SORCS2: variants seen among roughly 807,000 people sequenced by gnomAD.
SORCS2 encodes the protein sortilin related VPS10 domain containing receptor 2, also known as VPS10 domain-containing receptor SorCS2.
Under a neutral mutation model 141.6 loss-of-function variants are expected in SORCS2, and 100 were observed. That is an observed-to-expected ratio of 0.71 (90% confidence interval 0.60 to 0.83). The LOEUF (loss-of-function observed/expected upper bound fraction) is 0.83. SORCS2 is among the 40% of genes least tolerant of loss of function. SORCS2 has a pLI of 0.00. For missense variants in SORCS2, 1,646 were observed against 1,560.2 expected (o/e 1.05, Z -0.93); for synonymous variants, 789 against 676.9 (o/e 1.17, Z -2.57).
chr4:7,306,935 T>A (rs911875881), intron 1 of SORCS2, among the ~76,000 whole-genome samples: 1 of 152,150 alleles, frequency 6.6e-6, no homozygotes, highest in African/African-American at 2.4e-5. Context: ...GCACCTAGAA[T>A]TAGTTATTTG....
chr4:7,700,305 C>T (rs1244055852), intron 12 of SORCS2, among the ~76,000 whole-genome samples: 4 of 152,228 alleles, frequency 2.6e-5, no homozygotes, highest in Non-Finnish European at 2.9e-5. Flanking sequence ...TGAAACTGGG[C>T]TCGAGGGTAA....
In SORCS2 at chr4:7,664,888, G is replaced by T. The variant is rs1323050077; in HGVS notation, c.1071+417G>T. Among the ~76,000 whole-genome samples the T allele has an allele frequency of 6.6e-6, 1 of 152,160 alleles. No homozygotes were observed. The highest frequency in any genetic ancestry group is 1.5e-5 in the Non-Finnish European group (1 of 68,036). On this transcript the variant is annotated intron_variant, in intron 7 of 26. Transcript: ENST00000507866. The surrounding 1 kb of genome is among the most constrained non-coding windows in gnomAD (Gnocchi z 4.7). Reference sequence around the variant, plus strand: ...TGCCTGTGCCCTCAGGTCACAAGTGGGCCCACCCTCAGCAGCCATGTGGTC... The same window carrying T: ...TGCCTGTGCCCTCAGGTCACAAGTGTGCCCACCCTCAGCAGCCATGTGGTC...
chr4:7,651,014 GC>G (rs1721411832), intron 4 of SORCS2, among the ~76,000 whole-genome samples: 1 of 152,046 alleles, frequency 6.6e-6, no homozygotes, highest in African/African-American at 2.4e-5. Context: ...GGGGCAGCTG[GC>G]AAAAACATAA....
chr4:7,419,770 A>G (rs1405738605), intron 2 of SORCS2, among the ~76,000 whole-genome samples: 3 of 152,196 alleles, frequency 2.0e-5, no homozygotes, highest in African/African-American at 4.8e-5. Flanking sequence ...GGTCTGCAGG[A>G]CAGTGTAGAT....
At position 7,676,152 on chromosome 4, in the gene SORCS2, G is replaced by A. The variant is rs770519056; in HGVS notation, c.1264G>A (p.Val422Met). The A allele has an allele frequency of 4.0e-5, 63 of 1,564,990 alleles. 1 individual carries two copies. Among genetic ancestry groups the A allele is most frequent in the South Asian group, 5.9e-5 (5 of 85,002 alleles). Residue 422 changes from valine to methionine, a missense_variant, in exon 9 of 27, where the codon GTG becomes ATG. Physicochemically the swap from Val to Met is conservative, Grantham distance 21. Transcript: ENST00000507866. ...YNLYQSDPRG[V>M]RYALVLQDVR... ...CCTGTACCAGTCGGACCCACGGGGC[G>A]TGCGCTACGCGCTGGTGCTGCAGGA...
In SORCS2 at chr4:7,672,014, G is replaced by A. The variant is rs150999263; in HGVS notation, c.1162-4036G>A. Among the ~76,000 whole-genome samples the A allele has an allele frequency of 2.7e-3, 405 of 148,110 alleles. 1 individual carries two copies. Among genetic ancestry groups the A allele is most frequent in the Non-Finnish European group, 2.5e-3 (170 of 67,620 alleles). On this transcript the variant is annotated intron_variant, in intron 8 of 26. Transcript: ENST00000507866. ...GCTGGAGTTCAGTGGTACAATCTCA[G>A]CTCACTGCAACCTCCACCTCCTGGG...
Position 7,715,178 on chromosome 4 carries a change from C to T in SORCS2, c.2124-5C>T, listed in dbSNP as rs377203984. On this transcript the variant is annotated splice_region_variant and splice_polypyrimidine_tract_variant and intron_variant, in intron 16 of 26. Coordinates refer to ENST00000507866, the MANE Select transcript of SORCS2 (RefSeq NM_020777.3). ...TCACTTACCACTACTCTTCCCTCCT[C>T]CCAGCGACTACGGATTTGAGCGCTC... 6 of 1,613,620 alleles carry T rather than the reference C, an allele frequency of 3.7e-6. No individual in the cohort carries two copies. The highest frequency in any genetic ancestry group is 3.3e-5 in the Admixed American group (2 of 59,972).
chr4:7,276,669 C>T (rs1331071899), intron 1 of SORCS2, among the ~76,000 whole-genome samples: 3 of 152,182 alleles, frequency 2.0e-5, no homozygotes, highest in African/African-American at 7.2e-5. Flanking sequence ...CACTTCCCTG[C>T]TTGGGAGCTT....
intron 7 of SORCS2, among the ~76,000 whole-genome samples, chr4:7,666,427 G>A (rs1722509810): frequency 6.6e-6 from 1 of 152,162 alleles, no homozygotes; most frequent in Admixed American, 6.5e-5. Context: ...CCCTACCCCA[G>A]CCCAGGCCTC....
intron 3 of SORCS2, among the ~76,000 whole-genome samples, chr4:7,635,131 G>A (rs1480355820): frequency 6.6e-6 from 1 of 152,208 alleles, no homozygotes; most frequent in Non-Finnish European, 1.5e-5. Context: ...AGTGTCCCAG[G>A]CTAATGTAAA....
At chr4:7,636,731 C>T (rs1031834626) in intron 3 of SORCS2, among the ~76,000 whole-genome samples, 3 of 152,058 alleles carry the variant, frequency 2.0e-5, no homozygotes, top group African/African-American at 7.2e-5. Flanking sequence ...CTCACGCCTC[C>T]CTAGAGACCT....
chr4:7,388,038 GCACA>G (rs777937858), intron 1 of SORCS2, among the ~76,000 whole-genome samples: 2 of 104,784 alleles, frequency 1.9e-5, no homozygotes, highest in African/African-American at 8.0e-5. Context: ...ACGCACACAT[GCACA>G]CACACATGCA....
At chr4:7,241,770 C>G (rs1274532766) in intron 1 of SORCS2, among the ~76,000 whole-genome samples, 1 of 152,218 alleles carries the variant, frequency 6.6e-6, no homozygotes, top group Non-Finnish European at 1.5e-5. Flanking sequence ...TGCCTCACAT[C>G]CGTTTGCTGA....
chr4:7,636,073 G>A (rs1225933460), intron 3 of SORCS2, among the ~76,000 whole-genome samples: 1 of 152,188 alleles, frequency 6.6e-6, no homozygotes, highest in Non-Finnish European at 1.5e-5. Context: ...ATTGCCCACT[G>A]CCCTCCCCAG....
At chr4:7,290,796 T>TTTCA (rs3031021) in intron 1 of SORCS2, among the ~76,000 whole-genome samples, 189 of 151,340 alleles carry the variant, frequency 1.2e-3, no homozygotes, top group Middle Eastern at 3.5e-3. Flanking sequence ...GGCTGCATTC[T>TTTCA]TTCATTCATT....
At chr4:7,487,708 G>A (rs1284750364) in intron 2 of SORCS2, among the ~76,000 whole-genome samples, 1 of 152,126 alleles carries the variant, frequency 6.6e-6, no homozygotes, top group Non-Finnish European at 1.5e-5. Flanking sequence ...AGCCGCCTTG[G>A]TGGGACTTGG....
At chr4:7,730,135 C>T (rs1232254010) in intron 23 of SORCS2, among the ~76,000 whole-genome samples, 1 of 152,124 alleles carries the variant, frequency 6.6e-6, no homozygotes. Flanking sequence ...CTTTATTGCA[C>T]AGGACAACTT....
Position 7,354,268 on chromosome 4 carries a change from T to G in SORCS2, c.481-42020T>G, listed in dbSNP as rs1014449783. Among the ~76,000 whole-genome samples the G allele has an allele frequency of 2.6e-5, 4 of 152,170 alleles. No individual in the cohort carries two copies. The South Asian group carries it at 8.3e-4, about 32-fold the overall frequency. ...AGGACAGGACACACTCACCTCAATG[T>G]GAGCTCTGACCTTGGACGTATCCCC... On this transcript the variant is annotated intron_variant, in intron 1 of 26. Transcript: ENST00000507866.
At chr4:7,584,986 C>T (rs1056916484) in intron 3 of SORCS2, among the ~76,000 whole-genome samples, 16 of 152,078 alleles carry the variant, frequency 1.1e-4, no homozygotes, top group Non-Finnish European at 1.2e-4. Context: ...TTGTGATTCC[C>T]GGCGTGACTG....
Sources: gnomAD v4.1 joint callset for allele counts (sites outside exome capture counted in the v4.1 genomes callset) on GRCh38, gnomAD v4.1.1 for gene constraint, Gnocchi (gnomAD v3.1) non-coding constraint, MANE v1.5 for transcripts, NCBI Gene and HGNC (gene_info 2026-07-23, HGNC 2026-07-21) for gene names.